Variants in ARMC2 observed in about 807,000 individuals in gnomAD.
ARMC2 encodes the protein armadillo repeat-containing protein 2.
Under a neutral mutation model 90.3 loss-of-function variants are expected in ARMC2, and 67 were observed. The observed-to-expected ratio is 0.74, with a 90% CI of 0.61 to 0.91. The LOEUF is 0.91. Ranked by LOEUF, ARMC2 falls within the 40% of genes least tolerant of loss-of-function variation. ARMC2 has a pLI of 0.00. For synonymous variants in ARMC2, 393 were observed against 393.0 expected (o/e 1.00, Z 0.00); for missense variants, 920 against 1,030.9 (o/e 0.89, Z 1.47).
At position 108,911,011 on chromosome 6, in the gene ARMC2, A is replaced by C. The variant is rs1773373913; in HGVS notation, c.1126+10A>C. 2 of 1,505,936 alleles carry C rather than the reference A, an allele frequency of 1.3e-6. No individual in the cohort carries two copies. Among genetic ancestry groups the C allele is most frequent in the African/African-American group, 2.8e-5 (2 of 72,656 alleles). The allele number at this position is 1,505,936 out of a possible 1,614,324, so 93.3% of individuals were successfully genotyped here. A position where few individuals can be genotyped will look rare whatever the true frequency, so the allele number is the denominator to read the frequency against. ...AATGACAGCATTCTGGGTGAGTGTC[A>C]TTCAGTGCTACTATTGAGCAAATGC... is the stretch of plus-strand genomic sequence containing the variant. On this transcript the variant is annotated intron_variant, in intron 9 of 17. Coordinates refer to ENST00000392644, the MANE Select transcript of ARMC2 (RefSeq NM_032131.6).
chr6:108,883,021 C>T (rs1267104367), intron 5 of ARMC2, among the ~76,000 whole-genome samples: 1 of 152,194 alleles, frequency 6.6e-6, no homozygotes, highest in Non-Finnish European at 1.5e-5. Context: ...AGCACTAGAA[C>T]ACTACCCAGT....
chr6:108,867,873 G>A (rs1045125724), intron 3 of ARMC2, among the ~76,000 whole-genome samples: 1 of 152,064 alleles, frequency 6.6e-6, no homozygotes, highest in Admixed American at 6.5e-5. Context: ...GGCGGAGGTT[G>A]CAGTGAGCCG....
At chr6:108,985,405 C>G in the ARMC2 span, among the ~76,000 whole-genome samples, 1 of 152,050 alleles carries the variant, frequency 6.6e-6, no homozygotes, top group Admixed American at 6.6e-5. Context: ...TGTAATGTAC[C>G]TTCCCTAATT....
chr6:108,848,492 A>G lies in ARMC2; in HGVS notation c.-98A>G, dbSNP rs1458885420. The G allele has an allele frequency of 6.6e-6, 1 of 152,348 alleles. No homozygotes were observed. Among genetic ancestry groups the G allele is most frequent in the African/African-American group, 2.4e-5 (1 of 41,448 alleles). 9.4% of individuals were successfully genotyped at this position (152,348 alleles called of 1,614,324 possible). ...GCATCCCTGGCCGCTACCCGGGGAG[A>G]GCCGGAGGATGAATTGAACCTCGCA... On this transcript the variant is annotated 5_prime_UTR_variant, in exon 1 of 18. Transcript: ENST00000392644.
intron 17 of ARMC2, among the ~76,000 whole-genome samples, chr6:108,972,789 C>T (rs977989651): frequency 2.8e-4 from 43 of 151,680 alleles, no homozygotes; most frequent in Admixed American, 5.3e-4. Context: ...CTCAGCCTCT[C>T]GAGTAACTGG....
At chr6:109,027,120 A>G in the ARMC2 span, among the ~76,000 whole-genome samples, 2 of 152,094 alleles carry the variant, frequency 1.3e-5, no homozygotes, top group Non-Finnish European at 2.9e-5. Context: ...CAGTGGGCTG[A>G]GATTGCATCA....
chr6:108,964,998 A>C lies in ARMC2; in HGVS notation c.2304A>C (p.Arg768Ser). 1.2e-6 allele frequency: 2 copies of C among 1,610,762 alleles called. No individual in the cohort carries two copies. The highest frequency in any genetic ancestry group is 2.2e-5 in the South Asian group (2 of 90,998). Residue 768 changes from arginine to serine, a missense_variant, in exon 17 of 18, where the codon AGA becomes AGC. Arg to Ser is a moderately radical substitution (Grantham distance 110). Coordinates refer to ENST00000392644, the MANE Select transcript of ARMC2 (RefSeq NM_032131.6). ...GGIKKLVDCL[R>S]DLGPTDWQLA... ...AACTCAGGTTAGTGGACTGTTTAAGAGATTTGGGTCCTACTGATTGGCAGC... is the reference window on the plus strand; with the variant it reads ...AACTCAGGTTAGTGGACTGTTTAAGCGATTTGGGTCCTACTGATTGGCAGC...
intron 5 of ARMC2, among the ~76,000 whole-genome samples, chr6:108,889,249 G>A (rs527363250): frequency 9.9e-5 from 15 of 150,834 alleles, no homozygotes; most frequent in African/African-American, 3.0e-4. Context: ...GGGTTCAAGC[G>A]ATTCTCCTGC....
chr6:108,874,596 G>T (rs1032854897), intron 4 of ARMC2, among the ~76,000 whole-genome samples: 1 of 152,160 alleles, frequency 6.6e-6, no homozygotes, highest in Non-Finnish European at 1.5e-5. Context: ...GAGCGTGCTA[G>T]CACCATGTAA....
intron 10 of ARMC2, among the ~76,000 whole-genome samples, chr6:108,926,788 T>C (rs1054681137): frequency 2.6e-5 from 4 of 152,174 alleles, no homozygotes; most frequent in Admixed American, 2.0e-4. Context: ...TTTAGATCTA[T>C]GGAGTTAAGT....
At chr6:108,994,030 C>T in the ARMC2 span, among the ~76,000 whole-genome samples, 1 of 151,230 alleles carries the variant, frequency 6.6e-6, no homozygotes, top group African/African-American at 2.4e-5. Context: ...GTCCTAGCTA[C>T]TCAGGAAGCT....
intron 8 of ARMC2, among the ~76,000 whole-genome samples, chr6:108,908,392 A>C (rs957649699): frequency 4.6e-5 from 7 of 152,340 alleles, no homozygotes; most frequent in Admixed American, 3.9e-4. Context: ...TGAGCAGCAT[A>C]GCGCCTGGTA....
chr6:108,990,933 G>A, the ARMC2 span: 1 of 1,075,010 alleles, frequency 9.3e-7, no homozygotes, highest in Non-Finnish European at 1.3e-6. Context: ...TCATTTGGCT[G>A]ACAATCCAAC....
chr6:109,007,225 CTA>C, the ARMC2 span, among the ~76,000 whole-genome samples: 91 of 152,244 alleles, frequency 6.0e-4, 2 homozygotes, highest in East Asian at 0.016. Context: ...CACAGAAAGA[CTA>C]TGTTTTTATT....
At chr6:108,850,140 TGA>T (rs1193972237) in intron 1 of ARMC2, among the ~76,000 whole-genome samples, 1 of 152,238 alleles carries the variant, frequency 6.6e-6, no homozygotes, top group Non-Finnish European at 1.5e-5. Flanking sequence ...ATTATGACTC[TGA>T]GCTTTCACCC....
the ARMC2 span, among the ~76,000 whole-genome samples, chr6:109,040,663 T>C: frequency 6.6e-6 from 1 of 151,952 alleles, no homozygotes. Flanking sequence ...TAATCTTTTT[T>C]TTTTTTTTTG....
At chr6:108,903,263 A>T (rs76150915) in intron 7 of ARMC2, among the ~76,000 whole-genome samples, 3 of 140,846 alleles carry the variant, frequency 2.1e-5, no homozygotes, top group Admixed American at 7.2e-5. Flanking sequence ...TCCTTTTTTT[A>T]AATTTATTTT....
At chr6:108,969,032 C>A (rs1291302539) in intron 17 of ARMC2, among the ~76,000 whole-genome samples, 1 of 152,212 alleles carries the variant, frequency 6.6e-6, no homozygotes, top group Non-Finnish European at 1.5e-5. Flanking sequence ...CCATGAGCCC[C>A]TCTGTGGGGA....
At chr6:109,006,472 C>CCACCTGTGTGG in the ARMC2 span, among the ~76,000 whole-genome samples, 1 of 147,382 alleles carries the variant, frequency 6.8e-6, no homozygotes, top group Non-Finnish European at 1.5e-5. Flanking sequence ...CGACAGGCCC[C>CCACCTGTGTGG]GGTGTGTGAT....
Sources: gnomAD v4.1 joint callset for allele counts (sites outside exome capture counted in the v4.1 genomes callset) on GRCh38, gnomAD v4.1.1 for gene constraint, MANE v1.5 for transcripts, NCBI Gene and HGNC (gene_info 2026-07-23, HGNC 2026-07-21) for gene names.